The following INVS variants were observed in gnomAD, a reference collection of about 807,000 sequenced individuals.
INVS encodes the protein inversion of embryo turning homolog.
In INVS, 86 loss-of-function variants were observed where a neutral mutation model predicts 108.8. That is an observed-to-expected ratio of 0.79 (90% CI 0.66 to 0.95). The LOEUF is 0.95. INVS is among the 40% of genes least tolerant of loss of function. The pLI is 0.00. For missense variants in INVS, 1,169 were observed against 1,297.4 expected (o/e 0.90, Z 1.52); for synonymous variants, 455 against 473.5 (o/e 0.96, Z 0.51).
intron 5 of INVS, among the ~76,000 whole-genome samples, chr9:100,239,837 T>C (rs1831808936): frequency 6.6e-6 from 1 of 151,916 alleles, no homozygotes; most frequent in South Asian, 2.1e-4. Flanking sequence ...CCAGGTGTGG[T>C]GGGATGTGCC....
chr9:100,126,657 T>C, intron 3 of INVS, 108 bp downstream of exon 3: 1 of 1,039,422 alleles, frequency 9.6e-7, no homozygotes, highest in South Asian at 1.3e-5. Flanking sequence ...AATGCATGAC[T>C]CATAGGTTTT....
chr9:100,274,251 G>A (rs956270355), intron 12 of INVS, among the ~76,000 whole-genome samples: 6 of 151,990 alleles, frequency 3.9e-5, no homozygotes, highest in East Asian at 1.9e-4. Context: ...CCAGCTACTC[G>A]GGAGGCTGAG....
intron 3 of INVS, among the ~76,000 whole-genome samples, chr9:100,217,381 A>G (rs1025323576): frequency 3.9e-5 from 6 of 152,202 alleles, no homozygotes; most frequent in African/African-American, 1.4e-4. Context: ...CTGTCTTGTC[A>G]GTTCTGGCAT....
chr9:100,219,193 A>G (rs984531710), intron 3 of INVS, among the ~76,000 whole-genome samples: 1 of 152,214 alleles, frequency 6.6e-6, no homozygotes, highest in Non-Finnish European at 1.5e-5. Context: ...TCAGTAAGAA[A>G]AAAAAACAAA....
At chr9:100,172,644 C>T (rs189568354) in intron 3 of INVS, among the ~76,000 whole-genome samples, 187 of 152,258 alleles carry the variant, frequency 1.2e-3, no homozygotes, top group Non-Finnish European at 1.8e-3. Context: ...GGACATTGAG[C>T]TGCACAAAGA....
intron 3 of INVS, among the ~76,000 whole-genome samples, chr9:100,203,242 A>G (rs970800774): frequency 3.9e-5 from 6 of 152,044 alleles, no homozygotes; most frequent in African/African-American, 1.5e-4. Flanking sequence ...CATACCCTGT[A>G]ATTTTGTTTT....
At chr9:100,218,700 A>G (rs2118354747) in intron 3 of INVS, among the ~76,000 whole-genome samples, 1 of 152,316 alleles carries the variant, frequency 6.6e-6, no homozygotes, top group African/African-American at 2.4e-5. Flanking sequence ...AAAGGCAAGA[A>G]AATTCTTAGA....
intron 12 of INVS, 47 bp downstream of exon 12, chr9:100,273,123 G>T (rs1466852366): frequency 1.4e-6 from 2 of 1,470,778 alleles, no homozygotes; most frequent in Non-Finnish European, 1.9e-6. Flanking sequence ...CAGAATCAGG[G>T]TGGAAGTGGG....
intron 3 of INVS, among the ~76,000 whole-genome samples, chr9:100,139,016 T>C (rs1351450944): frequency 6.6e-6 from 1 of 152,130 alleles, no homozygotes; most frequent in African/African-American, 2.4e-5. Context: ...TTATTGATGG[T>C]TTTCCTTGTC....
At chr9:100,231,582 C>T (rs10989024) in intron 5 of INVS, among the ~76,000 whole-genome samples, 25,566 of 149,876 alleles carry the variant, frequency 0.17, 3,238 homozygotes, top group African/African-American at 0.36. Context: ...TGTTCAACTC[C>T]CACTTATGAG....
intron 3 of INVS, among the ~76,000 whole-genome samples, chr9:100,167,916 A>T (rs1829418039): frequency 6.6e-6 from 1 of 152,228 alleles, no homozygotes; most frequent in African/African-American, 2.4e-5. Context: ...ATATTTTTAA[A>T]GGAAGAATAA....
Position 100,284,467 on chromosome 9 carries a change from T to A in INVS, c.1932T>A (p.Pro644=). 6.2e-7 allele frequency: 1 copy of A among 1,614,128 alleles called. No homozygotes were observed. The change falls in exon 13 of 17, where the codon CCT becomes CCA. Residue 644 remains proline, a synonymous_variant. Transcript: ENST00000262457. ...AGAGCCGGGCCCCCAGCAAGCAGCCTCCTGCTGGCAACGTGGCCCAAGGCC... is the reference window on the plus strand; with the variant it reads ...AGAGCCGGGCCCCCAGCAAGCAGCCACCTGCTGGCAACGTGGCCCAAGGCC... ...SRQSRAPSKQ[P]PAGNVAQGPE... is the part of the protein sequence containing the mutation.
At chr9:100,295,346 A>G (rs1043599944) in intron 14 of INVS, among the ~76,000 whole-genome samples, 2 of 152,226 alleles carry the variant, frequency 1.3e-5, no homozygotes, top group African/African-American at 2.4e-5. Context: ...TGGATGTGCC[A>G]TTGTGCAATT....
rs185220513 is a variant in INVS at position 100,168,828 on chromosome 9, C to T, written c.273+42279C>T. ...CCCTTTAGATAATAAATCTATGGAA[C>T]TTTAAATGACATTTTTAAGGTTGGA... On this transcript the variant is annotated intron_variant, in intron 3 of 16. Transcript: ENST00000262457. Among the ~76,000 whole-genome samples the T allele has an allele frequency of 2.5e-4, 38 of 152,244 alleles. No individual in the cohort carries two copies. The East Asian group carries it at 7.0e-3, about 28-fold the overall frequency.
At chr9:100,283,919 G>A (rs1564190020) in intron 12 of INVS, among the ~76,000 whole-genome samples, 1 of 152,124 alleles carries the variant, frequency 6.6e-6, no homozygotes, top group Non-Finnish European at 1.5e-5. Flanking sequence ...TTATCCCTTT[G>A]ACTGTCATTC....
At chr9:100,148,446 C>T (rs1306709225) in intron 3 of INVS, among the ~76,000 whole-genome samples, 1 of 151,986 alleles carries the variant, frequency 6.6e-6, no homozygotes, top group Non-Finnish European at 1.5e-5. Context: ...CATGTTTGAG[C>T]AAGACTGGGA....
chr9:100,248,363 T>G (rs1362148511), intron 8 of INVS, among the ~76,000 whole-genome samples: 1 of 152,304 alleles, frequency 6.6e-6, no homozygotes, highest in East Asian at 1.9e-4. Context: ...CTTCTCAGAT[T>G]CATTAATTTG....
At chr9:100,293,179 T>G (rs1833681537) in intron 14 of INVS, 136 bp downstream of exon 14, 1 of 756,098 alleles carries the variant, frequency 1.3e-6, no homozygotes, top group Non-Finnish European at 2.3e-6. Context: ...AGCCTACCCA[T>G]GAAATTCACA....
chr9:100,248,940 G>A (rs1047824541), intron 8 of INVS, among the ~76,000 whole-genome samples: 4 of 151,948 alleles, frequency 2.6e-5, no homozygotes, highest in Non-Finnish European at 5.9e-5. Context: ...GGATCTCACT[G>A]TGTTGCCCAG....
Sources: allele counts gnomAD v4.1 joint callset (sites outside exome capture counted in the v4.1 genomes callset), GRCh38; gene constraint gnomAD v4.1.1; transcripts MANE v1.5; gene names NCBI Gene and HGNC (gene_info 2026-07-23, HGNC 2026-07-21).